Variants in SOX5 observed in about 807,000 individuals in gnomAD.
The protein encoded by SOX5 is SRY-box transcription factor 5.
In SOX5, 9 loss-of-function variants were observed where a neutral mutation model predicts 92.0. That is an observed-to-expected ratio of 0.10 (90% CI 0.06 to 0.17). The LOEUF (loss-of-function observed/expected upper bound fraction) is 0.17. SOX5 is among the 10% of genes least tolerant of loss of function. The pLI is 1.00. For missense variants in SOX5, 642 were observed against 944.5 expected (o/e 0.68, Z 4.20); for synonymous variants, 344 against 336.3 (o/e 1.02, Z -0.25).
rs1359591217 is a variant in SOX5 at position 24,292,963 on chromosome 12, G to A, written c.-173-15651C>T. ...GTCGGCTGTAGGATTATTCCTGGGA[G>A]ACATTTCCATGATGGAATGGCTACT... On this transcript the variant is annotated intron_variant, in intron 2 of 4. Transcript: ENST00000446891. Among the ~76,000 whole-genome samples, 4 of 152,156 alleles carry A rather than the reference G, an allele frequency of 2.6e-5. No individual in the cohort carries two copies. In the East Asian group the frequency reaches 7.7e-4, roughly 29 times the overall value.
At chr12:24,383,989 A>C (rs1958098921) in intron 1 of SOX5, among the ~76,000 whole-genome samples, 1 of 152,068 alleles carries the variant, frequency 6.6e-6, no homozygotes. Flanking sequence ...ACAAGATCTG[A>C]TGGTTTTATA....
chr12:24,116,836 T>A, intron 4 of SOX5, among the ~76,000 whole-genome samples: 1 of 152,276 alleles, frequency 6.6e-6, no homozygotes, highest in East Asian at 1.9e-4. Flanking sequence ...TGACAGTATT[T>A]AAAATACTTG....
chr12:24,112,521 CTTTTT>C (rs139323766), intron 4 of SOX5, among the ~76,000 whole-genome samples: 990 of 75,640 alleles, frequency 0.013, 14 homozygotes, highest in African/African-American at 0.044. Flanking sequence ...TTCAAGGTTC[CTTTTT>C]TTTTTTTTTT....
At chr12:23,778,498 G>A (rs2095176877) in intron 3 of SOX5, among the ~76,000 whole-genome samples, 1 of 152,196 alleles carries the variant, frequency 6.6e-6, no homozygotes, top group African/African-American at 2.4e-5. Flanking sequence ...AGTTTGATAT[G>A]TGTAGGGCAT....
chr12:23,765,265 A>G (rs1176400099), intron 3 of SOX5, among the ~76,000 whole-genome samples: 1 of 151,560 alleles, frequency 6.6e-6, no homozygotes, highest in Non-Finnish European at 1.5e-5. Flanking sequence ...AGAAAATACA[A>G]CAGTTTTATT....
At chr12:24,539,260 G>GA (rs1371908630) in intron 1 of SOX5, among the ~76,000 whole-genome samples, 4 of 149,822 alleles carry the variant, frequency 2.7e-5, no homozygotes. Context: ...ATTCAAGTAA[G>GA]AAAAAAAACA....
chr12:23,921,010 C>T (rs1432755039), intron 1 of SOX5, among the ~76,000 whole-genome samples: 3 of 152,086 alleles, frequency 2.0e-5, no homozygotes, highest in African/African-American at 7.2e-5. Context: ...TTTGGGCTAA[C>T]ACAGTGTCTG....
chr12:24,511,957 C>CA (rs11408941), intron 1 of SOX5, among the ~76,000 whole-genome samples: 49,140 of 131,064 alleles, frequency 0.37, 8,801 homozygotes, highest in African/African-American at 0.39. Context: ...GACTCCATCT[C>CA]AAAAAAAAAA....
At chr12:23,765,200 CTT>C (rs1443429417) in intron 3 of SOX5, among the ~76,000 whole-genome samples, 3 of 151,664 alleles carry the variant, frequency 2.0e-5, no homozygotes, top group Admixed American at 2.0e-4. Flanking sequence ...TATTTGGTCT[CTT>C]ATAACCTTTC....
At chr12:23,988,387 G>A (rs991982691) in intron 4 of SOX5, among the ~76,000 whole-genome samples, 8 of 152,174 alleles carry the variant, frequency 5.3e-5, no homozygotes, top group African/African-American at 1.9e-4. Flanking sequence ...AGGACTTGAA[G>A]AGCCCATGGG....
chr12:24,233,913 AG>A (rs1463325285), intron 3 of SOX5, among the ~76,000 whole-genome samples: 2 of 152,230 alleles, frequency 1.3e-5, no homozygotes, highest in Non-Finnish European at 2.9e-5. Flanking sequence ...ACTTTTATCT[AG>A]GAAAATGTAC....
intron 9 of SOX5, among the ~76,000 whole-genome samples, chr12:23,585,234 TCTC>T (rs1278600580): frequency 3.9e-5 from 6 of 152,312 alleles, no homozygotes; most frequent in African/African-American, 1.4e-4. Flanking sequence ...TGTAATGAAT[TCTC>T]CTCACCACTT....
intron 1 of SOX5, among the ~76,000 whole-genome samples, chr12:23,930,894 C>A (rs561065142): frequency 1.3e-5 from 2 of 151,754 alleles, no homozygotes; most frequent in African/African-American, 2.4e-5. Flanking sequence ...CTCAGAAAGA[C>A]CCTCTCTAAC....
intron 4 of SOX5, among the ~76,000 whole-genome samples, chr12:23,743,724 T>C (rs1384271235): frequency 1.3e-5 from 2 of 152,168 alleles, no homozygotes; most frequent in Admixed American, 6.5e-5. Context: ...ACACCTACAG[T>C]TGGTCCTGCA....
chr12:23,548,307 A>G (rs1943524613), intron 11 of SOX5, among the ~76,000 whole-genome samples: 1 of 152,080 alleles, frequency 6.6e-6, no homozygotes, highest in Non-Finnish European at 1.5e-5. Flanking sequence ...TTACCAAGAG[A>G]CTAAAATTAA....
At chr12:24,332,464 C>G (rs1400481666) in intron 2 of SOX5, among the ~76,000 whole-genome samples, 1 of 151,824 alleles carries the variant, frequency 6.6e-6, no homozygotes, top group Admixed American at 6.6e-5. Context: ...TTGACATGGT[C>G]CCCAATACAA....
At chr12:23,824,998 A>G (rs2142861629) in intron 3 of SOX5, among the ~76,000 whole-genome samples, 1 of 152,284 alleles carries the variant, frequency 6.6e-6, no homozygotes, top group Non-Finnish European at 1.5e-5. Context: ...AGTGAGAATT[A>G]GATGCCAGTG....
chr12:24,309,278 G>A (rs1218270845), intron 2 of SOX5, among the ~76,000 whole-genome samples: 1 of 152,118 alleles, frequency 6.6e-6, no homozygotes, highest in African/African-American at 2.4e-5. Flanking sequence ...GAATTCTATT[G>A]TTTTGTTAAT....
chr12:23,758,900 C>G (rs974373404), intron 3 of SOX5, among the ~76,000 whole-genome samples: 2 of 151,864 alleles, frequency 1.3e-5, no homozygotes, highest in African/African-American at 4.8e-5. Context: ...AAGGCCCTCA[C>G]CAGATGCTAG....
Sources: gnomAD v4.1 joint callset for allele counts (sites outside exome capture counted in the v4.1 genomes callset) on GRCh38, gnomAD v4.1.1 for gene constraint, MANE v1.5 for transcripts, NCBI Gene and HGNC (gene_info 2026-07-23, HGNC 2026-07-21) for gene names.